Variants in LRFN2 observed in about 807,000 individuals in gnomAD.
The protein encoded by LRFN2 is leucine-rich repeat and fibronectin type-III domain-containing protein 2.
In LRFN2, 18 loss-of-function variants were observed where a neutral mutation model predicts 37.3. The observed-to-expected ratio is 0.48, with a 90% confidence interval of 0.33 to 0.72. The LOEUF (loss-of-function observed/expected upper bound fraction) is 0.72. Ranked by LOEUF, LRFN2 falls within the 30% of genes least tolerant of loss-of-function variation. LRFN2 has a pLI of 0.02. For missense variants in LRFN2, 1,006 were observed against 1,060.7 expected, an observed-to-expected ratio of 0.95 and a Z score of 0.72; for synonymous variants, 556 against 466.6, an observed-to-expected ratio of 1.19 and a Z score of -2.47.
Position 40,425,649 on chromosome 6 carries a change from A to C in LRFN2, c.1400+6065T>G, listed in dbSNP as rs1349990013. On this transcript the variant is annotated intron_variant, in intron 2 of 2. Transcript: ENST00000338305. ...CCTGACAGGCTGGGCCCTGGCATTG[A>C]GGGACATGATAGTCAGCCCTCCCTA... is the stretch of plus-strand genomic sequence containing the variant. Among the ~76,000 whole-genome samples, 3 of 152,134 alleles carry C rather than the reference A, an allele frequency of 2.0e-5. No individual in the cohort carries two copies. The East Asian group carries it at 5.8e-4, about 29-fold the overall frequency.
At chr6:40,578,138 C>A (rs1009584679) in intron 1 of LRFN2, among the ~76,000 whole-genome samples, 18 of 152,340 alleles carry the variant, frequency 1.2e-4, no homozygotes, top group Admixed American at 9.1e-4. Flanking sequence ...ATACTCATGT[C>A]CTGTGGCCTA....
chr6:40,450,538 G>T (rs992168177), intron 1 of LRFN2, among the ~76,000 whole-genome samples: 1 of 152,240 alleles, frequency 6.6e-6, no homozygotes, highest in Non-Finnish European at 1.5e-5. Flanking sequence ...GTGCATGGGG[G>T]ATGCAACCGT....
At chr6:40,476,517 G>A (rs1764712244) in intron 1 of LRFN2, among the ~76,000 whole-genome samples, 1 of 152,240 alleles carries the variant, frequency 6.6e-6, no homozygotes, top group South Asian at 2.1e-4. Context: ...AACCCCATAG[G>A]TGCTGAGTTA....
At chr6:40,574,763 C>A (rs534104526) in intron 1 of LRFN2, among the ~76,000 whole-genome samples, 2 of 152,270 alleles carry the variant, frequency 1.3e-5, no homozygotes, top group South Asian at 4.1e-4. Context: ...GGGCAGAGAG[C>A]AAGCTTCACT....
At chr6:40,438,812 T>C (rs1320822704) in intron 1 of LRFN2, among the ~76,000 whole-genome samples, 1 of 152,148 alleles carries the variant, frequency 6.6e-6, no homozygotes, top group Non-Finnish European at 1.5e-5. Context: ...GCCCTGATAA[T>C]AGTGAGTCTC....
chr6:40,533,374 AACACACACACACAC>A (rs58462773), intron 1 of LRFN2, among the ~76,000 whole-genome samples: 12 of 142,974 alleles, frequency 8.4e-5, no homozygotes, highest in Admixed American at 5.6e-4. Context: ...TCTTGCTCAA[AACACACACACACAC>A]ACACACACAC....
intron 1 of LRFN2, among the ~76,000 whole-genome samples, chr6:40,537,093 GGA>G (rs1168319148): frequency 7.2e-5 from 11 of 152,180 alleles, no homozygotes; most frequent in Admixed American, 6.5e-5. Flanking sequence ...TTGATCCAGG[GGA>G]TCTGGTGCAG....
At chr6:40,541,015 CG>C (rs2113916015) in intron 1 of LRFN2, among the ~76,000 whole-genome samples, 1 of 152,298 alleles carries the variant, frequency 6.6e-6, no homozygotes, top group Non-Finnish European at 1.5e-5. Context: ...GCTGTGGCCC[CG>C]GTGCCCACTT....
Position 40,431,931 on chromosome 6 carries a change from G to A in LRFN2, c.1183C>T (p.Arg395Cys), listed in dbSNP as rs149554730. ...STSRTAPPKS[R>C]LSDITGSSKT... ...CTGGAGCCAGTGATGTCTGAGAGGC[G>A]GGACTTGGGGGGTGCAGTGCGGCTG... The change falls in exon 2 of 3, where the codon CGC (arginine) becomes TGC (cysteine). Residue 395 changes from arginine (R) to cysteine (C), a missense_variant. Arg to Cys is a radical substitution (Grantham distance 180, BLOSUM62 -3). Coordinates refer to ENST00000338305, the MANE Select transcript of LRFN2 (RefSeq NM_020737.3). 4.3e-6 allele frequency: 7 copies of A among 1,612,886 alleles called. No homozygotes were observed. Among genetic ancestry groups the A allele is most frequent in the Non-Finnish European group, 5.9e-6 (7 of 1,179,492 alleles).
At chr6:40,411,939 CT>C (rs1221064065) in intron 2 of LRFN2, among the ~76,000 whole-genome samples, 1 of 152,150 alleles carries the variant, frequency 6.6e-6, no homozygotes, top group Admixed American at 6.5e-5. Flanking sequence ...CCGATGTGTT[CT>C]AAACATCTGG....
At chr6:40,554,410 G>A (rs1368645117) in intron 1 of LRFN2, among the ~76,000 whole-genome samples, 1 of 152,086 alleles carries the variant, frequency 6.6e-6, no homozygotes, top group African/African-American at 2.4e-5. Flanking sequence ...TGGAGGGAAG[G>A]GTGGATGGGT....
intron 1 of LRFN2, among the ~76,000 whole-genome samples, chr6:40,554,530 T>G (rs576384615): frequency 2.6e-5 from 4 of 152,130 alleles, no homozygotes; most frequent in Non-Finnish European, 4.4e-5. Context: ...AAAGGTGCCA[T>G]GGGAATTGGT....
chr6:40,535,449 T>A (rs1288155786), intron 1 of LRFN2, among the ~76,000 whole-genome samples: 1 of 152,206 alleles, frequency 6.6e-6, no homozygotes, highest in Non-Finnish European at 1.5e-5. Flanking sequence ...GGGTATGGAC[T>A]GTCCCTGCCA....
At chr6:40,540,327 G>T (rs1766529463) in intron 1 of LRFN2, among the ~76,000 whole-genome samples, 1 of 152,164 alleles carries the variant, frequency 6.6e-6, no homozygotes, top group Non-Finnish European at 1.5e-5. Context: ...CCTCCTCTGG[G>T]GTTCAGGAGT....
chr6:40,578,751 C>T (rs914229435), intron 1 of LRFN2, among the ~76,000 whole-genome samples: 2 of 152,160 alleles, frequency 1.3e-5, no homozygotes, highest in Non-Finnish European at 2.9e-5. Flanking sequence ...TATAGTAGTT[C>T]ATTTAATTTT....
Position 40,391,956 on chromosome 6 carries a change from T to C in LRFN2, c.2357A>G (p.Glu786Gly). 6.3e-7 allele frequency: 1 copy of C among 1,579,002 alleles called. No individual in the cohort carries two copies. The highest frequency in any genetic ancestry group is 8.6e-7 in the Non-Finnish European group (1 of 1,160,994). Residue 786 changes from glutamate to glycine, a missense_variant, in exon 3 of 3, where the codon GAG becomes GGG. Around this residue, in one of 4 missense-constraint regions of LRFN2, gnomAD observed 398 missense variants for 327.6 expected, o/e 1.21. Coordinates refer to ENST00000338305, the MANE Select transcript of LRFN2 (RefSeq NM_020737.3). ...GCCCACCCCCACCTAGACCGTGCTC[T>C]CCATCACCCATTCGGAGCTGCCAAA... ...GTFGSSEWVM[E>G]STV is the part of the protein sequence containing the mutation.
At chr6:40,516,790 CTGAGCCTTG>C (rs1765890050) in intron 1 of LRFN2, among the ~76,000 whole-genome samples, 1 of 152,166 alleles carries the variant, frequency 6.6e-6, no homozygotes. Flanking sequence ...GGTCCCCATT[CTGAGCCTTG>C]CTTGCTATGT....
At chr6:40,428,733 C>A (rs1303578106) in intron 2 of LRFN2, among the ~76,000 whole-genome samples, 1 of 152,148 alleles carries the variant, frequency 6.6e-6, no homozygotes, top group Non-Finnish European at 1.5e-5. Context: ...GAGATACTGC[C>A]TGTAAAAGCT....
intron 1 of LRFN2, among the ~76,000 whole-genome samples, chr6:40,530,645 C>A (rs1265181944): frequency 6.6e-6 from 1 of 151,948 alleles, no homozygotes; most frequent in African/African-American, 2.4e-5. Context: ...GACCCGTCAC[C>A]CCCAGCACCC....
Sources: allele counts gnomAD v4.1 joint callset (sites outside exome capture counted in the v4.1 genomes callset), GRCh38; gene constraint gnomAD v4.1.1; regional missense constraint gnomAD v4.1.1; transcripts MANE v1.5; gene names NCBI Gene and HGNC (gene_info 2026-07-23, HGNC 2026-07-21).